GRIK2: variants seen among roughly 807,000 people sequenced by gnomAD.
The protein encoded by GRIK2 is glutamate ionotropic receptor kainate type subunit 2.
In GRIK2, 32 loss-of-function variants were observed where a neutral mutation model predicts 100.3. The observed-to-expected ratio is 0.32, with a 90% CI of 0.24 to 0.43. The LOEUF is 0.43. Ranked by LOEUF, GRIK2 falls within the 20% of genes least tolerant of loss-of-function variation. GRIK2 has a pLI of 1.00. For synonymous variants in GRIK2, 417 were observed against 389.4 expected (o/e 1.07, Z -0.83); for missense variants, 843 against 1,114.9 (o/e 0.76, Z 3.47).
rs1770169258 is a variant in GRIK2 at position 102,034,657 on chromosome 6, T to C, written c.2086-684T>C. Among the ~76,000 whole-genome samples the C allele has an allele frequency of 3.3e-5, 5 of 151,412 alleles. No individual in the cohort carries two copies. The Admixed American group carries it at 3.3e-4, about 10-fold the overall frequency. ...AATTTTCAGTTGGATATAAACACTA[T>C]TCAATTGTATTGGTCCAGGAATCTT... On this transcript the variant is annotated intron_variant, in intron 14 of 16. Transcript: ENST00000369134.
At chr6:101,523,492 A>G (rs1774988478) in intron 2 of GRIK2, among the ~76,000 whole-genome samples, 1 of 152,172 alleles carries the variant, frequency 6.6e-6, no homozygotes, top group African/African-American at 2.4e-5. Context: ...CTGTATCTTA[A>G]AGCTAGGAAT....
intron 4 of GRIK2, among the ~76,000 whole-genome samples, chr6:101,655,014 CTA>C (rs934327786): frequency 1.3e-5 from 2 of 152,168 alleles, no homozygotes; most frequent in African/African-American, 2.4e-5. Context: ...TACTATAAAA[CTA>C]TAGCTGTGGA....
intron 7 of GRIK2, among the ~76,000 whole-genome samples, chr6:101,696,387 A>C (rs1772488199): frequency 6.6e-6 from 1 of 151,824 alleles, no homozygotes; most frequent in Non-Finnish European, 1.5e-5. Flanking sequence ...TTTTGTTTTA[A>C]ATTACCTACC....
At chr6:102,000,720 A>G (rs888726428) in intron 14 of GRIK2, among the ~76,000 whole-genome samples, 4 of 152,174 alleles carry the variant, frequency 2.6e-5, no homozygotes, top group Admixed American at 1.3e-4. Flanking sequence ...TATCTGTAAA[A>G]TCTACAATGG....
intron 14 of GRIK2, among the ~76,000 whole-genome samples, chr6:101,938,845 T>A (rs1259145337): frequency 1.3e-5 from 2 of 152,056 alleles, no homozygotes; most frequent in Non-Finnish European, 2.9e-5. Context: ...TAGTTCAGGG[T>A]TGGCGATAAA....
At chr6:101,704,804 G>T (rs1316270561) in intron 7 of GRIK2, among the ~76,000 whole-genome samples, 1 of 150,882 alleles carries the variant, frequency 6.6e-6, no homozygotes, top group Non-Finnish European at 1.5e-5. Flanking sequence ...ACACTTCAAA[G>T]ATATCAAGTG....
At chr6:101,992,341 T>C (rs774138549) in intron 14 of GRIK2, among the ~76,000 whole-genome samples, 8 of 151,610 alleles carry the variant, frequency 5.3e-5, no homozygotes, top group South Asian at 4.1e-4. Context: ...TATTCTAATA[T>C]TGCTGTACCA....
chr6:102,051,251 C>CCCTCCCTTCTTT (rs1215298030), intron 15 of GRIK2, among the ~76,000 whole-genome samples: 1 of 122,060 alleles, frequency 8.2e-6, no homozygotes, highest in African/African-American at 3.1e-5. Context: ...TTCCCTCCCT[C>CCCTCCCTTCTTT]CCTTCCTTCC....
intron 2 of GRIK2, among the ~76,000 whole-genome samples, chr6:101,577,425 AT>A (rs962055531): frequency 1.3e-5 from 2 of 152,238 alleles, no homozygotes; most frequent in African/African-American, 4.8e-5. Context: ...AATTAAAAAA[AT>A]ATTTAGAGTA....
chr6:101,554,537 T>C (rs1227224084), intron 2 of GRIK2, among the ~76,000 whole-genome samples: 5 of 152,176 alleles, frequency 3.3e-5, no homozygotes, highest in Non-Finnish European at 5.9e-5. Flanking sequence ...TTCTCCTAAT[T>C]GCCCTCTGCC....
At chr6:101,682,805 A>G (rs1771377084) in intron 6 of GRIK2, among the ~76,000 whole-genome samples, 199 bp downstream of exon 6, 1 of 152,114 alleles carries the variant, frequency 6.6e-6, no homozygotes. Flanking sequence ...ATCATTTCAG[A>G]TATCAATTCA....
chr6:101,661,163 A>G (rs1769582612), intron 4 of GRIK2, among the ~76,000 whole-genome samples: 1 of 152,104 alleles, frequency 6.6e-6, no homozygotes. Context: ...TCTTTCAGAG[A>G]TGCCCTGCTC....
At chr6:101,939,281 A>G (rs767623082) in intron 14 of GRIK2, among the ~76,000 whole-genome samples, 5 of 151,952 alleles carry the variant, frequency 3.3e-5, no homozygotes, top group Non-Finnish European at 7.4e-5. Flanking sequence ...GCTTTTTTGA[A>G]TTTATCTCCC....
At chr6:101,968,732 A>G (rs1382558182) in intron 14 of GRIK2, among the ~76,000 whole-genome samples, 1 of 149,086 alleles carries the variant, frequency 6.7e-6, no homozygotes, top group Non-Finnish European at 1.5e-5. Context: ...ACTTTCATCC[A>G]CCCATCAAAA....
At chr6:101,613,573 A>G (rs550528909) in intron 2 of GRIK2, among the ~76,000 whole-genome samples, 463 of 151,916 alleles carry the variant, frequency 3.0e-3, no homozygotes, top group Non-Finnish European at 5.0e-3. Context: ...AAAAAAGTAC[A>G]TCACAAACAT....
chr6:101,941,885 A>T (rs1790976463), intron 14 of GRIK2, among the ~76,000 whole-genome samples: 1 of 152,150 alleles, frequency 6.6e-6, no homozygotes, highest in South Asian at 2.1e-4. Context: ...ATACAATATG[A>T]GAAACTGTCC....
At chr6:102,016,365 C>A (rs910752471) in intron 14 of GRIK2, among the ~76,000 whole-genome samples, 1 of 151,850 alleles carries the variant, frequency 6.6e-6, no homozygotes, top group Non-Finnish European at 1.5e-5. Flanking sequence ...AGTATTAACA[C>A]CAGAATAGAC....
intron 2 of GRIK2, among the ~76,000 whole-genome samples, chr6:101,433,423 G>C (rs1769532202): frequency 6.6e-6 from 1 of 152,206 alleles, no homozygotes; most frequent in Admixed American, 6.5e-5. Context: ...TAAAAATGAG[G>C]ATAATATTAG....
chr6:101,502,367 A>G (rs1302965927), intron 2 of GRIK2, among the ~76,000 whole-genome samples: 2 of 152,168 alleles, frequency 1.3e-5, no homozygotes, highest in East Asian at 1.9e-4. Context: ...ATTATTTATA[A>G]TAGTTAACTT....
Sources: gnomAD v4.1 joint callset for allele counts (sites outside exome capture counted in the v4.1 genomes callset) on GRCh38, gnomAD v4.1.1 for gene constraint, MANE v1.5 for transcripts, NCBI Gene and HGNC (gene_info 2026-07-23, HGNC 2026-07-21) for gene names.